Variants in PTPRO observed in about 807,000 individuals in gnomAD.
The protein encoded by PTPRO is receptor-type tyrosine-protein phosphatase O.
Under a neutral mutation model 145.2 loss-of-function variants are expected in PTPRO, and 62 were observed. The observed-to-expected ratio is 0.43, with a 90% confidence interval of 0.35 to 0.53. The LOEUF (loss-of-function observed/expected upper bound fraction) is 0.53. Ranked by LOEUF, PTPRO falls within the 20% of genes least tolerant of loss-of-function variation. PTPRO has a pLI of 0.01. For missense variants in PTPRO, 1,345 were observed against 1,482.7 expected (o/e 0.91, Z 1.53); for synonymous variants, 565 against 514.7 (o/e 1.10, Z -1.32).
Position 15,322,674 on chromosome 12 carries a change from G to C in PTPRO, c.-53G>C, listed in dbSNP as rs1201261982. 1 of 1,509,330 alleles carries C rather than the reference G, an allele frequency of 6.6e-7. No individual in the cohort carries two copies. Among genetic ancestry groups the C allele is most frequent in the African/African-American group, 1.4e-5 (1 of 72,698 alleles). 93.5% of individuals were successfully genotyped at this position (1,509,330 alleles called of 1,614,324 possible). Reference sequence around the variant, plus strand: ...CCCCAGTTCGCCATTGTGAGCCGCCGCCGGGGGAGTCCGCTAGCGCAGCCG... The same window carrying C: ...CCCCAGTTCGCCATTGTGAGCCGCCCCCGGGGGAGTCCGCTAGCGCAGCCG... On this transcript the variant is annotated 5_prime_UTR_variant, in exon 1 of 27. Coordinates refer to ENST00000281171, the MANE Select transcript of PTPRO (RefSeq NM_030667.3). The surrounding 1 kb of genome is among the most constrained non-coding windows in gnomAD (Gnocchi z 6.3).
chr12:15,466,677 T>C (rs994509036), intron 1 of PTPRO, among the ~76,000 whole-genome samples: 3 of 152,200 alleles, frequency 2.0e-5, no homozygotes, highest in Admixed American at 6.6e-5. Context: ...GATGTTGGTG[T>C]CCTTCTCCCA....
intron 13 of PTPRO, among the ~76,000 whole-genome samples, 195 bp downstream of exon 13, chr12:15,546,903 C>G (rs1188782057): frequency 6.6e-6 from 1 of 152,164 alleles, no homozygotes; most frequent in African/African-American, 2.4e-5. Flanking sequence ...TTATCTTTGT[C>G]TGTATCACTT....
intron 1 of PTPRO, among the ~76,000 whole-genome samples, chr12:15,368,817 T>C (rs1938440442): frequency 6.6e-6 from 1 of 152,220 alleles, no homozygotes; most frequent in African/African-American, 2.4e-5. Context: ...CTTTAATTGT[T>C]GGAAGTGCTT....
intron 1 of PTPRO, among the ~76,000 whole-genome samples, chr12:15,384,182 G>A (rs1440951589): frequency 6.6e-6 from 1 of 152,174 alleles, no homozygotes; most frequent in African/African-American, 2.4e-5. Flanking sequence ...GGCCAAGGGG[G>A]AGGAGGTCCA....
At chr12:15,438,445 A>T (rs1427712927) in intron 1 of PTPRO, among the ~76,000 whole-genome samples, 1 of 152,146 alleles carries the variant, frequency 6.6e-6, no homozygotes. Flanking sequence ...CAAGGTTGAA[A>T]ATCAACAAAA....
chr12:15,399,390 T>G (rs988773863), intron 1 of PTPRO, among the ~76,000 whole-genome samples: 1 of 152,110 alleles, frequency 6.6e-6, no homozygotes, highest in Non-Finnish European at 1.5e-5. Context: ...TTGCCCCAGG[T>G]AAAGTAAAAA....
At chr12:15,574,443 A>G (rs1944132844) in intron 19 of PTPRO, among the ~76,000 whole-genome samples, 1 of 152,212 alleles carries the variant, frequency 6.6e-6, no homozygotes, top group Non-Finnish European at 1.5e-5. Flanking sequence ...TTAGTGTTTG[A>G]TCAGGATACT....
At chr12:15,511,776 G>T (rs938809154) in intron 7 of PTPRO, among the ~76,000 whole-genome samples, 1 of 152,176 alleles carries the variant, frequency 6.6e-6, no homozygotes, top group Admixed American at 6.5e-5. Flanking sequence ...ATGCTGACCA[G>T]GATGATCTCG....
intron 1 of PTPRO, among the ~76,000 whole-genome samples, chr12:15,382,692 C>A (rs1591761342): frequency 6.6e-6 from 1 of 152,124 alleles, no homozygotes; most frequent in South Asian, 2.1e-4. Flanking sequence ...TCAATGTATT[C>A]TTGTTCTGTT....
At chr12:15,500,263 A>G (rs1177990148) in intron 4 of PTPRO, among the ~76,000 whole-genome samples, 3 of 152,210 alleles carry the variant, frequency 2.0e-5, no homozygotes, top group Admixed American at 2.0e-4. Flanking sequence ...AGGGATTATG[A>G]TAGATTACTT....
At chr12:15,512,936 G>A (rs1366762410) in intron 7 of PTPRO, among the ~76,000 whole-genome samples, 2 of 151,872 alleles carry the variant, frequency 1.3e-5, no homozygotes, top group Non-Finnish European at 2.9e-5. Flanking sequence ...AGAGGTTGCA[G>A]TGAGCCAAGA....
intron 1 of PTPRO, among the ~76,000 whole-genome samples, chr12:15,359,459 C>G (rs1255833978): frequency 2.3e-5 from 3 of 127,826 alleles, no homozygotes; most frequent in Non-Finnish European, 4.7e-5. Flanking sequence ...GAGTCTCACT[C>G]TGTCGGCAGG....
intron 12 of PTPRO, among the ~76,000 whole-genome samples, chr12:15,527,907 C>G (rs1942876375): frequency 1.5e-5 from 2 of 133,808 alleles, no homozygotes; most frequent in South Asian, 4.7e-4. Context: ...AAGGACAAAG[C>G]AAAAATCCAA....
chr12:15,486,448 C>A (rs1444768439), intron 2 of PTPRO, among the ~76,000 whole-genome samples: 1 of 152,108 alleles, frequency 6.6e-6, no homozygotes, highest in African/African-American at 2.4e-5. Flanking sequence ...GGGTTTCCTG[C>A]AGACAGCATA....
chr12:15,561,269 G>A (rs964141936), intron 17 of PTPRO, among the ~76,000 whole-genome samples: 4 of 152,080 alleles, frequency 2.6e-5, no homozygotes, highest in Admixed American at 2.6e-4. Flanking sequence ...GGGTGGTGGT[G>A]CGGGTATGAA....
intron 8 of PTPRO, among the ~76,000 whole-genome samples, chr12:15,515,942 A>G (rs1253481660): frequency 6.8e-6 from 1 of 147,760 alleles, no homozygotes. Flanking sequence ...GCTTGAGCCC[A>G]GAAGTTGTTT....
intron 23 of PTPRO, 54 bp downstream of exon 23, chr12:15,581,855 C>A: frequency 6.2e-7 from 1 of 1,611,408 alleles, no homozygotes; most frequent in Non-Finnish European, 8.5e-7. Flanking sequence ...CCTGCTGAGA[C>A]CAGTTTGGTC....
chr12:15,428,489 T>A (rs1940343904), intron 1 of PTPRO, among the ~76,000 whole-genome samples: 2 of 152,126 alleles, frequency 1.3e-5, no homozygotes, highest in African/African-American at 4.8e-5. Context: ...CAGTTTCTTA[T>A]AAGGGGATCA....
At chr12:15,345,007 T>C (rs1867149442) in intron 1 of PTPRO, among the ~76,000 whole-genome samples, 1 of 152,150 alleles carries the variant, frequency 6.6e-6, no homozygotes, top group African/African-American at 2.4e-5. Flanking sequence ...TATCATCCTA[T>C]CTTTCTACAA....
Sources: gnomAD v4.1 joint callset for allele counts (sites outside exome capture counted in the v4.1 genomes callset) on GRCh38, gnomAD v4.1.1 for gene constraint, Gnocchi (gnomAD v3.1) non-coding constraint, MANE v1.5 for transcripts, NCBI Gene and HGNC (gene_info 2026-07-23, HGNC 2026-07-21) for gene names.